The following SRL variants were observed in gnomAD, a reference collection of about 807,000 sequenced individuals.
SRL encodes the protein sarcalumenin.
SRL carries 23 observed loss-of-function variants against 39.5 expected under a neutral mutation model. That is an observed-to-expected ratio of 0.58 (90% CI 0.42 to 0.82). The LOEUF (loss-of-function observed/expected upper bound fraction) is 0.82. Among genes scored for constraint, SRL ranks in the 40% least tolerant of loss-of-function variants. The pLI, the probability that SRL is intolerant of heterozygous loss-of-function variation, is 0.00. For missense variants in SRL, 592 were observed against 607.8 expected (o/e 0.97, Z 0.27); for synonymous variants, 272 against 237.4 (o/e 1.15, Z -1.34).
rs2052078314 is a variant in SRL at position 4,192,376 on chromosome 16, G to A, written c.1199C>T (p.Ala400Val). ...ATTGATGCCGAAGAAGTCCTTATAGGCCTCGCGGTTGGGAAGGTCAAATTT... is the reference window on the plus strand; with the variant it reads ...ATTGATGCCGAAGAAGTCCTTATAGACCTCGCGGTTGGGAAGGTCAAATTT... ...VSKFDLPNRE[A>V]YKDFFGINPI... is the part of the protein sequence containing the mutation. The change falls in exon 6 of 6, where the codon GCC (alanine) becomes GTC (valine). Residue 400 changes from alanine (A) to valine (V), a missense_variant. Physicochemically the swap from Ala to Val is moderately conservative, Grantham distance 64. Coordinates refer to ENST00000399609, the MANE Select transcript of SRL (RefSeq NM_001098814.2). The surrounding 1 kb of genome is among the most constrained non-coding windows in gnomAD (Gnocchi z 4.0). 1 of 1,614,058 alleles carries A rather than the reference G, an allele frequency of 6.2e-7. No individual in the cohort carries two copies.
At chr16:4,204,659 G>A (rs750703728) in intron 1 of SRL, 25 bp from the exon 2 acceptor site, 2 of 1,606,934 alleles carry the variant, frequency 1.2e-6, no homozygotes, top group Non-Finnish European at 1.7e-6. Flanking sequence ...AGACAGCCAA[G>A]TGAGAGCAAA....
intron 3 of SRL, among the ~76,000 whole-genome samples, chr16:4,200,656 C>T (rs959393633): frequency 6.6e-6 from 1 of 152,210 alleles, no homozygotes; most frequent in Middle Eastern, 3.2e-3. Flanking sequence ...AAAAACCCTT[C>T]GGGAGGCTCT....
chr16:4,208,649 G>C (rs181937305), intron 1 of SRL, among the ~76,000 whole-genome samples: 1 of 152,116 alleles, frequency 6.6e-6, no homozygotes, highest in Non-Finnish European at 1.5e-5. Context: ...TTTGCAGGCC[G>C]GATAATCTTA....
chr16:4,195,647 C>G lies in SRL; in HGVS notation c.516G>C (p.Lys172Asn). ...LEKFGQNFLE[K>N]LIGIEVPHKL... ...TGTGGGGAACCTCAATGCCAATCAG[C>G]TTCTCTAGGAAATTCTGGCCAAACT... The change falls in exon 5 of 6, where the codon AAG becomes AAC. Residue 172 changes from lysine (K) to asparagine (N), a missense_variant. Physicochemically the swap from Lys to Asn is moderately conservative, Grantham distance 94 (BLOSUM62 0). Coordinates refer to ENST00000399609, the MANE Select transcript of SRL (RefSeq NM_001098814.2). 1.2e-6 allele frequency: 2 copies of G among 1,614,192 alleles called. No individual in the cohort carries two copies. The highest frequency in any genetic ancestry group is 2.2e-5 in the East Asian group (1 of 44,882).
At chr16:4,198,875 A>G (rs1250998439) in intron 3 of SRL, among the ~76,000 whole-genome samples, 1 of 152,154 alleles carries the variant, frequency 6.6e-6, no homozygotes, top group Non-Finnish European at 1.5e-5. Flanking sequence ...CATGTTGGGG[A>G]GATGACCCTG....
In SRL at chr16:4,226,013, C is replaced by G. The variant is rs557387482; in HGVS notation, c.61+15994G>C. On this transcript the variant is annotated intron_variant, in intron 1 of 5. Transcript: ENST00000399609. ...CCCTCTGTGCTTGCTTTGCTTTTTG[C>G]TGAGAATGTTCATGCTTCCCAGACA... 1.3e-3 allele frequency among the ~76,000 whole-genome samples: 196 copies of G among 152,208 alleles called. 9 individuals are homozygous for G. In the South Asian group the frequency reaches 0.038, roughly 29 times the overall value.
intron 1 of SRL, among the ~76,000 whole-genome samples, chr16:4,223,578 G>A (rs144594142): frequency 1.4e-4 from 21 of 151,492 alleles, no homozygotes; most frequent in African/African-American, 4.8e-4. Flanking sequence ...TAGAGACAGG[G>A]TCTTACTCTG....
At chr16:4,226,494 G>A (rs1020985239) in intron 1 of SRL, among the ~76,000 whole-genome samples, 9 of 151,670 alleles carry the variant, frequency 5.9e-5, no homozygotes, top group African/African-American at 2.2e-4. Flanking sequence ...TAGGTGGGTG[G>A]GTGAGTGGAA....
chr16:4,236,818 T>C (rs964694289), intron 1 of SRL, among the ~76,000 whole-genome samples: 1 of 152,032 alleles, frequency 6.6e-6, no homozygotes, highest in Admixed American at 6.6e-5. Context: ...TAATTTTTTG[T>C]ATTTTTAGTA....
chr16:4,194,542 G>C (rs1269011208), intron 5 of SRL, among the ~76,000 whole-genome samples: 1 of 152,158 alleles, frequency 6.6e-6, no homozygotes, highest in Admixed American at 6.5e-5. Context: ...AGGCCCAGGA[G>C]CACCAAACCC....
chr16:4,210,121 G>C (rs1292008255), intron 1 of SRL, among the ~76,000 whole-genome samples: 1 of 152,194 alleles, frequency 6.6e-6, no homozygotes, highest in African/African-American at 2.4e-5. Flanking sequence ...GGTCAGATTG[G>C]GGTACCAAAA....
At position 4,192,341 on chromosome 16, in the gene SRL, T is replaced by C. The variant is rs377297808; in HGVS notation, c.1234A>G (p.Ser412Gly). 2 of 1,614,144 alleles carry C rather than the reference T, an allele frequency of 1.2e-6. No homozygotes were observed. Among genetic ancestry groups the C allele is most frequent in the African/African-American group, 1.3e-5 (1 of 75,030 alleles). Residue 412 changes from serine to glycine, a missense_variant, in exon 6 of 6, where the codon AGT becomes GGT. Physicochemically the swap from Ser to Gly is moderately conservative, Grantham distance 56. Coordinates refer to ENST00000399609, the MANE Select transcript of SRL (RefSeq NM_001098814.2). This position sits in a 1 kb window ranked among gnomAD's most constrained non-coding sequence, Gnocchi z 4.0. ...KDFFGINPISSFKLLSQQCSY... is the reference protein window; with the variant it reads ...KDFFGINPISGFKLLSQQCSY... ...CACTGCTGGGAGAGCAGTTTGAAAC[T>C]GGAAATGGGATTGATGCCGAAGAAG...
intron 1 of SRL, among the ~76,000 whole-genome samples, chr16:4,220,723 C>G (rs374638867): frequency 6.6e-6 from 1 of 152,178 alleles, no homozygotes; most frequent in Non-Finnish European, 1.5e-5. Flanking sequence ...TCTGTCTCAT[C>G]TAGTCAAACA....
intron 1 of SRL, among the ~76,000 whole-genome samples, chr16:4,229,179 C>T (rs1002400116): frequency 6.6e-6 from 1 of 152,084 alleles, no homozygotes; most frequent in African/African-American, 2.4e-5. Context: ...CGCAGTGGCT[C>T]GCAACTGTAA....
At chr16:4,223,100 C>T (rs185714486) in intron 1 of SRL, among the ~76,000 whole-genome samples, 70 of 151,832 alleles carry the variant, frequency 4.6e-4, no homozygotes, top group African/African-American at 1.5e-3. Flanking sequence ...GGCATGGTGA[C>T]GGGCGCCTGT....
At chr16:4,217,820 A>G in intron 1 of SRL, among the ~76,000 whole-genome samples, 1 of 152,178 alleles carries the variant, frequency 6.6e-6, no homozygotes. Flanking sequence ...GCCACAGCAG[A>G]GCCAGCTTCG....
intron 1 of SRL, among the ~76,000 whole-genome samples, chr16:4,212,939 C>T (rs1453681796): frequency 5.3e-5 from 8 of 152,230 alleles, no homozygotes; most frequent in Admixed American, 5.2e-4. Flanking sequence ...CTTTCCAAAG[C>T]ACTTCTACAT....
At chr16:4,212,007 G>C (rs1417516905) in intron 1 of SRL, among the ~76,000 whole-genome samples, 4 of 152,184 alleles carry the variant, frequency 2.6e-5, no homozygotes, top group Non-Finnish European at 5.9e-5. Flanking sequence ...GTAAAGGTGA[G>C]AGGGCCACAC....
intron 1 of SRL, among the ~76,000 whole-genome samples, chr16:4,217,025 G>T (rs80266945): frequency 6.6e-6 from 1 of 152,214 alleles, no homozygotes; most frequent in Non-Finnish European, 1.5e-5. Flanking sequence ...GGCAGGTGAA[G>T]GGGTCAAGGA....
Sources: gnomAD v4.1 joint callset for allele counts (sites outside exome capture counted in the v4.1 genomes callset) on GRCh38, gnomAD v4.1.1 for gene constraint, Gnocchi (gnomAD v3.1) non-coding constraint, MANE v1.5 for transcripts, NCBI Gene and HGNC (gene_info 2026-07-23, HGNC 2026-07-21) for gene names.